Variants in UBR3 observed in about 807,000 individuals in gnomAD.
UBR3 encodes ubiquitin protein ligase E3 component n-recognin 3, also known as E3 ubiquitin-protein ligase UBR3.
UBR3 carries 85 observed loss-of-function variants against 243.2 expected under a neutral mutation model. The observed-to-expected ratio is 0.35, with a 90% CI of 0.29 to 0.42. The LOEUF is 0.42. Ranked by LOEUF, UBR3 falls within the 10% of genes least tolerant of loss-of-function variation. The pLI is 1.00. For synonymous variants in UBR3, 748 were observed against 799.8 expected, an observed-to-expected ratio of 0.94 and a Z score of 1.09; for missense variants, 1,686 against 2,300.8, an observed-to-expected ratio of 0.73 and a Z score of 5.47.
chr2:169,983,852 G>T (rs1307420647), intron 24 of UBR3, among the ~76,000 whole-genome samples: 1 of 152,094 alleles, frequency 6.6e-6, no homozygotes. Flanking sequence ...ATCAATTATG[G>T]TAATTTAAGT....
At chr2:169,922,130 A>C (rs1362600291) in intron 11 of UBR3, among the ~76,000 whole-genome samples, 2 of 151,630 alleles carry the variant, frequency 1.3e-5, no homozygotes, top group African/African-American at 4.8e-5. Context: ...TCTACCAAAA[A>C]CAGAAATTAG....
intron 27 of UBR3, among the ~76,000 whole-genome samples, chr2:170,005,334 T>C (rs373050777): frequency 4.6e-5 from 7 of 152,096 alleles, no homozygotes; most frequent in African/African-American, 1.7e-4. Flanking sequence ...AAAGTTGAGG[T>C]TGGAAACAGT....
chr2:169,920,008 C>T (rs941090452), intron 11 of UBR3, among the ~76,000 whole-genome samples: 1 of 152,150 alleles, frequency 6.6e-6, no homozygotes, highest in Non-Finnish European at 1.5e-5. Flanking sequence ...GACACATGCA[C>T]ACGTATGTTT....
chr2:170,059,935 G>A (rs192076350), intron 33 of UBR3, among the ~76,000 whole-genome samples: 29 of 152,264 alleles, frequency 1.9e-4, no homozygotes, highest in Admixed American at 1.1e-3. Context: ...AGAGGGATAC[G>A]TGGGAAATAA....
chr2:169,899,683 A>T (rs2105329926), intron 8 of UBR3, among the ~76,000 whole-genome samples: 1 of 151,676 alleles, frequency 6.6e-6, no homozygotes, highest in Non-Finnish European at 1.5e-5. Flanking sequence ...CTGGTGTGTG[A>T]TGTCCGCCTC....
intron 24 of UBR3, chr2:169,964,312 G>C: frequency 2.3e-6 from 1 of 426,364 alleles, no homozygotes; most frequent in Non-Finnish European, 4.8e-6. Context: ...ATGTCAGTAT[G>C]TTTGCAATTT....
chr2:169,894,534 G>A (rs572758292), intron 6 of UBR3, among the ~76,000 whole-genome samples: 6 of 152,052 alleles, frequency 3.9e-5, no homozygotes, highest in Admixed American at 3.3e-4. Flanking sequence ...AAAAAACTGC[G>A]TTAAAGTTAT....
At chr2:170,017,522 GACACACACACACACACAC>G (rs66540837) in intron 30 of UBR3, among the ~76,000 whole-genome samples, 1 of 145,136 alleles carries the variant, frequency 6.9e-6, no homozygotes, top group African/African-American at 2.6e-5. Context: ...TATAATTACG[GACACACACACACACACAC>G]ACACAGACAC....
chr2:169,993,344 T>C (rs2089357181), intron 25 of UBR3, among the ~76,000 whole-genome samples: 1 of 152,200 alleles, frequency 6.6e-6, no homozygotes, highest in African/African-American at 2.4e-5. Context: ...ACTTATATCA[T>C]TTTTTGTGGT....
At chr2:169,920,137 T>C (rs1350973174) in intron 11 of UBR3, among the ~76,000 whole-genome samples, 1 of 152,084 alleles carries the variant, frequency 6.6e-6, no homozygotes, top group Non-Finnish European at 1.5e-5. Flanking sequence ...ATTCCAGCCA[T>C]AAAAAATGAT....
At chr2:169,905,938 TA>T in intron 9 of UBR3, 92 bp from the exon 10 acceptor site, 11 of 1,377,634 alleles carry the variant, frequency 8.0e-6, no homozygotes, top group Non-Finnish European at 9.8e-6. Context: ...TTTGTGTGCA[TA>T]AATGTGTTTG....
At chr2:170,054,484 A>C (rs1171277703) in intron 32 of UBR3, among the ~76,000 whole-genome samples, 1 of 151,918 alleles carries the variant, frequency 6.6e-6, no homozygotes, top group South Asian at 2.1e-4. Flanking sequence ...GGGTTTCACT[A>C]TGTTGGCCAG....
At chr2:170,058,088 G>GAAATATA (rs1055783518) in intron 33 of UBR3, among the ~76,000 whole-genome samples, 1 of 152,138 alleles carries the variant, frequency 6.6e-6, no homozygotes, top group Non-Finnish European at 1.5e-5. Flanking sequence ...TATGAGTGAT[G>GAAATATA]AAATATACCA....
intron 6 of UBR3, among the ~76,000 whole-genome samples, chr2:169,893,478 G>C (rs1165130820): frequency 6.6e-6 from 1 of 152,152 alleles, no homozygotes; most frequent in Non-Finnish European, 1.5e-5. Flanking sequence ...TTTCATTTTG[G>C]TAGTCTGTGA....
chr2:170,048,436 T>C (rs1380601423), intron 32 of UBR3, among the ~76,000 whole-genome samples: 1 of 152,214 alleles, frequency 6.6e-6, no homozygotes, highest in Non-Finnish European at 1.5e-5. Flanking sequence ...TGAAGCTAAA[T>C]TGCTCATGTG....
chr2:169,910,678 A>G (rs1046617428), intron 10 of UBR3, among the ~76,000 whole-genome samples: 3 of 152,098 alleles, frequency 2.0e-5, no homozygotes, highest in African/African-American at 7.2e-5. Context: ...CACTTACACT[A>G]TGTGAGACAT....
At chr2:169,985,647 C>CTGTTTT (rs1006726420) in intron 24 of UBR3, among the ~76,000 whole-genome samples, 2 of 152,030 alleles carry the variant, frequency 1.3e-5, no homozygotes, top group Admixed American at 6.5e-5. Context: ...TATTCAGGTA[C>CTGTTTT]TGTTTTTGTT....
intron 32 of UBR3, among the ~76,000 whole-genome samples, chr2:170,051,240 C>G (rs889947251): frequency 5.9e-5 from 9 of 151,982 alleles, no homozygotes; most frequent in African/African-American, 1.9e-4. Context: ...ATAATCAAGA[C>G]AGACAAATGG....
intron 11 of UBR3, among the ~76,000 whole-genome samples, chr2:169,920,103 A>G (rs2085632660): frequency 6.6e-6 from 1 of 152,214 alleles, no homozygotes; most frequent in Non-Finnish European, 1.5e-5. Context: ...AACGTGGCAG[A>G]TATACGCCAT....
Sources: gnomAD v4.1 joint callset for allele counts (sites outside exome capture counted in the v4.1 genomes callset) on GRCh38, gnomAD v4.1.1 for gene constraint, MANE v1.5 for transcripts, NCBI Gene and HGNC (gene_info 2026-07-23, HGNC 2026-07-21) for gene names.